COL5A1: variants seen among roughly 807,000 people sequenced by gnomAD.
COL5A1 encodes the protein collagen alpha-1(V) chain.
Under a neutral mutation model 263.7 loss-of-function variants are expected in COL5A1, and 16 were observed. That is an observed-to-expected ratio of 0.06 (90% CI 0.04 to 0.09). The LOEUF (loss-of-function observed/expected upper bound fraction) is 0.09. COL5A1 is among the 10% of genes least tolerant of loss of function. COL5A1 has a pLI of 1.00. For missense variants in COL5A1, 2,036 were observed against 2,540.5 expected (o/e 0.80, Z 4.27); for synonymous variants, 1,012 against 1,004.5 (o/e 1.01, Z -0.14).
chr9:134,708,844 G>A, intron 4 of COL5A1: 1 of 456,632 alleles, frequency 2.2e-6, no homozygotes, highest in Non-Finnish European at 4.4e-6. Flanking sequence ...GCGGGGCCGT[G>A]CTCCCTCTGA....
chr9:134,813,406 A>C lies in COL5A1; in HGVS notation c.3853-577A>C, dbSNP rs140605134. Among the ~76,000 whole-genome samples, 656 of 152,312 alleles carry C rather than the reference A, an allele frequency of 4.3e-3. 6 individuals carry two copies. Among genetic ancestry groups the C allele is most frequent in the African/African-American group, 0.014 (572 of 41,574 alleles). On this transcript the variant is annotated intron_variant, in intron 48 of 65. Coordinates refer to ENST00000371817, the MANE Select transcript of COL5A1 (RefSeq NM_000093.5). Reference sequence around the variant, plus strand: ...TCTTTCTGACATCAATCAGGCCATTAAATTGGAAGACGCCTTCCACCGCTG... The same window carrying C: ...TCTTTCTGACATCAATCAGGCCATTCAATTGGAAGACGCCTTCCACCGCTG...
chr9:134,744,328 C>T (rs569356874), intron 11 of COL5A1, among the ~76,000 whole-genome samples: 1 of 151,908 alleles, frequency 6.6e-6, no homozygotes, highest in Non-Finnish European at 1.5e-5. Context: ...TGCACTCATG[C>T]ACACACACTC....
rs1178331147 is a variant in COL5A1 at position 134,844,282 on chromosome 9, G to C, written c.*1979G>C. On this transcript the variant is annotated 3_prime_UTR_variant, in exon 66 of 66. Transcript: ENST00000371817. ...TCTCTGGAGCCCAGGATGCCAGCATGTGCCAATGACTGTCACCTTCATCTC... is the reference window on the plus strand; with the variant it reads ...TCTCTGGAGCCCAGGATGCCAGCATCTGCCAATGACTGTCACCTTCATCTC... The C allele has an allele frequency of 2.6e-5, 4 of 152,658 alleles. No homozygotes were observed. The highest frequency in any genetic ancestry group is 2.9e-5 in the Non-Finnish European group (2 of 68,052). The allele number at this position is 152,658 out of a possible 1,614,324, so 9.5% of individuals were successfully genotyped here. A position where few individuals can be genotyped will look rare whatever the true frequency, so the allele number is the denominator to read the frequency against.
At chr9:134,685,863 A>G (rs1833057845) in intron 1 of COL5A1, among the ~76,000 whole-genome samples, 1 of 137,316 alleles carries the variant, frequency 7.3e-6, no homozygotes, top group East Asian at 2.2e-4. Context: ...TCATCCATCC[A>G]TCGTCCATCA....
At chr9:134,823,925 T>C (rs1199337031) in intron 61 of COL5A1, among the ~76,000 whole-genome samples, 4 of 151,988 alleles carry the variant, frequency 2.6e-5, no homozygotes, top group Admixed American at 6.6e-5. Flanking sequence ...TGTGTGTGCA[T>C]GTGTAGTGTG....
Position 134,755,654 on chromosome 9 carries a change from G to A in COL5A1, c.1828-1111G>A, listed in dbSNP as rs757205142. ...GCTGTGAAATCCTGTGAAGTTTTCC[G>A]ACAATCTTCCCTTGGTTTCTAAAAG... is the stretch of plus-strand genomic sequence containing the variant. On this transcript the variant is annotated intron_variant, in intron 16 of 65. Transcript: ENST00000371817. This position sits in a 1 kb window ranked among gnomAD's most constrained non-coding sequence, Gnocchi z 4.1. Among the ~76,000 whole-genome samples the A allele has an allele frequency of 2.6e-5, 4 of 152,240 alleles. No homozygotes were observed. In the East Asian group the frequency reaches 5.8e-4, roughly 22 times the overall value.
intron 8 of COL5A1, among the ~76,000 whole-genome samples, 190 bp from the exon 9 acceptor site, chr9:134,731,881 C>T (rs531288173): frequency 2.0e-5 from 3 of 152,324 alleles, no homozygotes; most frequent in South Asian, 4.1e-4. Context: ...CCTGTTTCTT[C>T]GTTAGTAGTC....
intron 34 of COL5A1, 86 bp downstream of exon 34, chr9:134,795,401 A>G: frequency 9.2e-7 from 1 of 1,087,940 alleles, no homozygotes; most frequent in Non-Finnish European, 1.3e-6. Flanking sequence ...GGTGTCTGTG[A>G]CCTTTTTTAT....
chr9:134,721,436 C>T (rs983707792), intron 4 of COL5A1, among the ~76,000 whole-genome samples: 4 of 152,146 alleles, frequency 2.6e-5, no homozygotes, highest in Non-Finnish European at 5.9e-5. Context: ...GTGTTTGGAT[C>T]CCATCACTAT....
At chr9:134,795,523 G>A (rs1428339543) in intron 34 of COL5A1, among the ~76,000 whole-genome samples, 1 of 152,152 alleles carries the variant, frequency 6.6e-6, no homozygotes, top group Non-Finnish European at 1.5e-5. Context: ...TGAGAACGAT[G>A]GTCATGAGAA....
chr9:134,769,462 C>T (rs1380644774), intron 25 of COL5A1, among the ~76,000 whole-genome samples: 2 of 152,144 alleles, frequency 1.3e-5, no homozygotes, highest in African/African-American at 4.8e-5. Flanking sequence ...ATTTCATTGC[C>T]CTTTCTAATG....
At chr9:134,785,924 T>C in intron 30 of COL5A1, 71 bp from the exon 31 acceptor site, 1 of 1,443,932 alleles carries the variant, frequency 6.9e-7, no homozygotes, top group Admixed American at 1.8e-5. Context: ...CGCATGTCCT[T>C]TCTCTCTGCT....
intron 4 of COL5A1, among the ~76,000 whole-genome samples, chr9:134,711,487 T>C (rs75424875): frequency 0.024 from 3,708 of 152,184 alleles, 145 homozygotes; most frequent in African/African-American, 0.082. Context: ...GCTGCTCTGT[T>C]CTACCACTGC....
At chr9:134,689,904 C>A (rs1022874320) in intron 1 of COL5A1, among the ~76,000 whole-genome samples, 1 of 152,242 alleles carries the variant, frequency 6.6e-6, no homozygotes, top group African/African-American at 2.4e-5. Context: ...CCCAGGGAGC[C>A]TCTTGCTCGT....
intron 34 of COL5A1, 150 bp downstream of exon 34, chr9:134,795,465 C>G (rs561143039): frequency 2.9e-5 from 20 of 687,652 alleles, no homozygotes; most frequent in African/African-American, 2.9e-4. Context: ...AGAAGCTTGT[C>G]CCCTCCAGCA....
intron 64 of COL5A1, among the ~76,000 whole-genome samples, chr9:134,830,857 C>T (rs1016663133): frequency 4.6e-5 from 7 of 152,338 alleles, no homozygotes; most frequent in South Asian, 2.1e-4. Context: ...CTGCTTCTGC[C>T]GCGTGGAGTG....
At chr9:134,779,993 C>T in intron 27 of COL5A1, 109 bp from the exon 28 acceptor site, 2 of 1,254,932 alleles carry the variant, frequency 1.6e-6, no homozygotes, top group South Asian at 2.4e-5. Flanking sequence ...GGGCGCTGGC[C>T]TCATCTGTCA....
intron 39 of COL5A1, 111 bp downstream of exon 39, chr9:134,803,106 G>A (rs1588567493): frequency 3.4e-6 from 3 of 887,556 alleles, no homozygotes; most frequent in South Asian, 1.4e-5. Context: ...TCAAACAGAC[G>A]CTTCTCATGC....
chr9:134,729,433 C>A (rs1039171161), intron 6 of COL5A1, among the ~76,000 whole-genome samples: 1 of 151,846 alleles, frequency 6.6e-6, no homozygotes, highest in African/African-American at 2.4e-5. Flanking sequence ...TGAGCATGGG[C>A]GGTGTGTGTG....
Sources: allele counts gnomAD v4.1 joint callset (sites outside exome capture counted in the v4.1 genomes callset), GRCh38; gene constraint gnomAD v4.1.1; non-coding constraint Gnocchi (gnomAD v3.1); transcripts MANE v1.5; gene names NCBI Gene and HGNC (gene_info 2026-07-23, HGNC 2026-07-21).